Variants in YPEL2 observed in about 807,000 individuals in gnomAD.
YPEL2 encodes protein yippee-like 2.
Under a neutral mutation model 19.1 loss-of-function variants are expected in YPEL2, and 2 were observed. The observed-to-expected ratio is 0.10, with a 90% CI of 0.04 to 0.33. YPEL2 has a LOEUF of 0.33. YPEL2 is among the 10% of genes least tolerant of loss of function. The pLI is 1.00. For synonymous variants in YPEL2, 52 were observed against 50.0 expected, an observed-to-expected ratio of 1.04 and a Z score of -0.17; for missense variants, 66 against 140.7, an observed-to-expected ratio of 0.47 and a Z score of 2.68.
In YPEL2 at chr17:59,400,485, AGT is replaced by A. The variant is rs1491168578; in HGVS notation, c.*3296_*3297del. ...ACAGTGATCACCAATACATGTTTTC[AGT>A]TTTTTTTTTTTTTAAGGTCTCTATC... On this transcript the variant is annotated 3_prime_UTR_variant, in exon 5 of 5. Coordinates refer to ENST00000312655, the MANE Select transcript of YPEL2 (RefSeq NM_001005404.4). 1.1e-5 allele frequency: 1 copy of A among 87,938 alleles called. No homozygotes were observed. The highest frequency in any genetic ancestry group is 2.0e-5 in the Non-Finnish European group (1 of 48,892). 5.4% of individuals were successfully genotyped at this position (87,938 alleles called of 1,614,324 possible).
intron 2 of YPEL2, among the ~76,000 whole-genome samples, chr17:59,369,261 A>G (rs1329193364): frequency 6.6e-6 from 1 of 152,276 alleles, no homozygotes; most frequent in Non-Finnish European, 1.5e-5. Context: ...GAAGGTGGAA[A>G]TAAGTAGCTT....
intron 1 of YPEL2, among the ~76,000 whole-genome samples, chr17:59,340,147 G>A (rs1035059662): frequency 2.0e-5 from 3 of 148,036 alleles, no homozygotes; most frequent in African/African-American, 5.0e-5. Flanking sequence ...CACTCTTGTT[G>A]CCCAAGCTGG....
intron 1 of YPEL2, among the ~76,000 whole-genome samples, chr17:59,336,820 T>C (rs2047700752): frequency 6.6e-6 from 1 of 152,204 alleles, no homozygotes; most frequent in Admixed American, 6.5e-5. Flanking sequence ...AAATGCCACT[T>C]ACATCTATTT....
At chr17:59,391,760 C>T (rs561730639) in intron 4 of YPEL2, among the ~76,000 whole-genome samples, 18 of 152,208 alleles carry the variant, frequency 1.2e-4, no homozygotes, top group African/African-American at 4.3e-4. Flanking sequence ...ATTAGCTGGG[C>T]ATGGTGGCAG....
At chr17:59,396,482 T>C (rs959590597) in intron 4 of YPEL2, among the ~76,000 whole-genome samples, 4 of 152,124 alleles carry the variant, frequency 2.6e-5, no homozygotes, top group African/African-American at 9.7e-5. Context: ...GAGTGGAAGT[T>C]GGATTTTAAG....
In YPEL2 at chr17:59,399,638, A is replaced by T. The variant is rs1013278909; in HGVS notation, c.*2448A>T. ...GGTTTTTCCATAACTACAGGGGGAA[A>T]AAAAGTCATTAGGCTTTCCCTTTGT... On this transcript the variant is annotated 3_prime_UTR_variant, in exon 5 of 5. Coordinates refer to ENST00000312655, the MANE Select transcript of YPEL2 (RefSeq NM_001005404.4). The T allele has an allele frequency of 6.6e-6, 1 of 152,454 alleles. No homozygotes were observed. The allele number at this position is 152,454 out of a possible 1,614,324, so 9.4% of individuals were successfully genotyped here. A position where few individuals can be genotyped will look rare whatever the true frequency, so the allele number is the denominator to read the frequency against.
chr17:59,388,181 T>G, intron 2 of YPEL2, 146 bp from the exon 3 acceptor site: 2 of 780,394 alleles, frequency 2.6e-6, no homozygotes, highest in Non-Finnish European at 4.6e-6. Flanking sequence ...CCCCACACCA[T>G]CTGCCAGCGG....
intron 2 of YPEL2, 107 bp from the exon 3 acceptor site, chr17:59,388,220 T>C (rs2047990678): frequency 9.3e-7 from 1 of 1,073,164 alleles, no homozygotes; most frequent in African/African-American, 1.6e-5. Flanking sequence ...TACTCCCTTT[T>C]GCTGTGTCAG....
intron 1 of YPEL2, among the ~76,000 whole-genome samples, chr17:59,343,280 G>C (rs1399502878): frequency 1.3e-5 from 2 of 152,086 alleles, no homozygotes; most frequent in African/African-American, 4.8e-5. Flanking sequence ...TGGTTTCACT[G>C]ATGGCCATTC....
At chr17:59,364,831 C>T (rs1598039207) in intron 2 of YPEL2, among the ~76,000 whole-genome samples, 1 of 152,036 alleles carries the variant, frequency 6.6e-6, no homozygotes, top group Admixed American at 6.6e-5. Context: ...GGGGTTTCGC[C>T]ATGTTGGCCA....
At chr17:59,335,840 G>C (rs529751032) in intron 1 of YPEL2, among the ~76,000 whole-genome samples, 2 of 152,120 alleles carry the variant, frequency 1.3e-5, no homozygotes, top group Non-Finnish European at 1.5e-5. Context: ...ATAAGCCACC[G>C]TGCCTGGCTC....
intron 1 of YPEL2, 114 bp downstream of exon 1, chr17:59,331,938 C>CG (rs2047671874): frequency 6.6e-6 from 1 of 150,756 alleles, no homozygotes; most frequent in South Asian, 2.1e-4. Context: ...CGGGCCTGCG[C>CG]GGGGTTGGGG....
rs544955815 is a variant in YPEL2 at position 59,372,478 on chromosome 17, A to C, written c.118-15849A>C. On this transcript the variant is annotated intron_variant, in intron 2 of 4. Transcript: ENST00000312655. ...CTGGCTGGGCTCAGTTCATGGAGCA[A>C]CATGAAAGTGCTGGAATTTGCATGG... Among the ~76,000 whole-genome samples, 35 of 152,352 alleles carry C rather than the reference A, an allele frequency of 2.3e-4. 2 individuals are homozygous for C. In the South Asian group the frequency reaches 6.6e-3, roughly 29 times the overall value.
At chr17:59,370,517 A>G (rs186552850) in intron 2 of YPEL2, among the ~76,000 whole-genome samples, 3 of 152,276 alleles carry the variant, frequency 2.0e-5, no homozygotes, top group East Asian at 3.9e-4. Flanking sequence ...CTCAGGGTCT[A>G]CCATTAAGTG....
chr17:59,331,897 T>G (rs927421199), intron 1 of YPEL2, 73 bp downstream of exon 1: 37 of 151,100 alleles, frequency 2.4e-4, no homozygotes, highest in Admixed American at 1.2e-3. Flanking sequence ...GGGCTCTGGG[T>G]CCCCGGCCCC....
chr17:59,357,103 T>C (rs962693233), intron 2 of YPEL2, among the ~76,000 whole-genome samples: 3 of 152,182 alleles, frequency 2.0e-5, no homozygotes, highest in African/African-American at 4.8e-5. Context: ...TGGATTGTTA[T>C]GAGGCTCAGC....
intron 3 of YPEL2, chr17:59,388,809 T>TA (rs1185979396): frequency 5.1e-6 from 1 of 195,064 alleles, no homozygotes; most frequent in Non-Finnish European, 1.1e-5. Flanking sequence ...GCACCAGGTT[T>TA]ATCACCTCTT....
intron 2 of YPEL2, among the ~76,000 whole-genome samples, chr17:59,379,810 G>GT (rs974869610): frequency 2.8e-5 from 4 of 144,374 alleles, no homozygotes; most frequent in African/African-American, 7.9e-5. Context: ...GTACCAGTAA[G>GT]TTTTTTTTGT....
chr17:59,355,509 A>G (rs1412943853), intron 2 of YPEL2: 3 of 152,230 alleles, frequency 2.0e-5, no homozygotes, highest in African/African-American at 4.8e-5. Context: ...ACCAAGCCAC[A>G]TCGCCTGAAT....
Sources: allele counts gnomAD v4.1 joint callset (sites outside exome capture counted in the v4.1 genomes callset), GRCh38; gene constraint gnomAD v4.1.1; transcripts MANE v1.5; gene names NCBI Gene and HGNC (gene_info 2026-07-23, HGNC 2026-07-21).